Variants in NEK6 observed in about 807,000 individuals in gnomAD.
The protein encoded by NEK6 is serine/threonine-protein kinase Nek6.
A neutral mutation model predicts 43.5 loss-of-function variants in NEK6; 27 were observed. The observed-to-expected ratio is 0.62, with a 90% CI of 0.46 to 0.86. The LOEUF (loss-of-function observed/expected upper bound fraction) is 0.86, where lower values mean the gene tolerates loss of function less well. Among genes scored for constraint, NEK6 ranks in the 40% least tolerant of loss-of-function variants. NEK6 has a pLI of 0.00. For missense variants in NEK6, 318 were observed against 414.4 expected, an observed-to-expected ratio of 0.77 and a Z score of 2.02; for synonymous variants, 167 against 164.1, an observed-to-expected ratio of 1.02 and a Z score of -0.14.
chr9:124,330,488 C>T (rs1293320611), intron 7 of NEK6, among the ~76,000 whole-genome samples: 1 of 152,088 alleles, frequency 6.6e-6, no homozygotes, highest in South Asian at 2.1e-4. Flanking sequence ...CAGGCAGCCA[C>T]GGGTGACAGG....
At chr9:124,316,761 G>A (rs1046241807) in intron 4 of NEK6, among the ~76,000 whole-genome samples, 1 of 152,200 alleles carries the variant, frequency 6.6e-6, no homozygotes, top group Non-Finnish European at 1.5e-5. Context: ...AGACTGCCTG[G>A]GCATTTAAGG....
At chr9:124,289,991 A>C (rs1033407573) in intron 1 of NEK6, among the ~76,000 whole-genome samples, 7 of 152,228 alleles carry the variant, frequency 4.6e-5, no homozygotes, top group African/African-American at 1.7e-4. Context: ...TCCTAAGCCC[A>C]ACTCCAGGGT....
At chr9:124,292,471 A>G in intron 1 of NEK6, 1 of 1,537,060 alleles carries the variant, frequency 6.5e-7, no homozygotes, top group South Asian at 1.2e-5. Context: ...AGGGGAGGCC[A>G]CGGGCTTGAA....
intron 6 of NEK6, among the ~76,000 whole-genome samples, chr9:124,327,043 C>G (rs546717944): frequency 1.3e-5 from 2 of 152,306 alleles, no homozygotes; most frequent in South Asian, 2.1e-4. Flanking sequence ...AGGCACTGTT[C>G]TAGGCATGGA....
intron 4 of NEK6, among the ~76,000 whole-genome samples, chr9:124,320,691 A>G (rs747768850): frequency 6.6e-6 from 1 of 152,210 alleles, no homozygotes; most frequent in Non-Finnish European, 1.5e-5. Context: ...GTCCAGCTCC[A>G]TGCTCCACTG....
chr9:124,295,740 T>C (rs1832656105), intron 1 of NEK6, among the ~76,000 whole-genome samples: 1 of 152,214 alleles, frequency 6.6e-6, no homozygotes, highest in Non-Finnish European at 1.5e-5. Flanking sequence ...CGGGGGCTGT[T>C]ATTCTGGTGC....
chr9:124,292,323 T>C, intron 1 of NEK6: 1 of 1,433,540 alleles, frequency 7.0e-7, no homozygotes, highest in Non-Finnish European at 9.2e-7. Context: ...CAGGGGTGGC[T>C]GCTGATGGCT....
At chr9:124,310,152 C>T (rs1328732460) in intron 2 of NEK6, among the ~76,000 whole-genome samples, 1 of 152,216 alleles carries the variant, frequency 6.6e-6, no homozygotes, top group East Asian at 1.9e-4. Flanking sequence ...GGGGTCACAC[C>T]CCAGCTCTGC....
intron 5 of NEK6, among the ~76,000 whole-genome samples, chr9:124,325,961 C>G (rs1451647611): frequency 6.6e-6 from 1 of 152,190 alleles, no homozygotes; most frequent in Non-Finnish European, 1.5e-5. Flanking sequence ...TTCAGTCTTG[C>G]AAGGAGTGCC....
rs112217434 is a variant in NEK6, at chr9:124,353,033, C to A, written c.*2086C>A. 501 of 153,090 alleles carry A rather than the reference C, an allele frequency of 3.3e-3. 2 individuals carry two copies. Among genetic ancestry groups the A allele is most frequent in the African/African-American group, 0.012 (485 of 41,578 alleles). The allele number at this position is 153,090 out of a possible 1,614,324, so 9.5% of individuals were successfully genotyped here. ...AACATTCCTTTTATTTCTGTGAAAC[C>A]GGCCAAAGTGAGGTCCACCCACCTT... On this transcript the variant is annotated 3_prime_UTR_variant, in exon 10 of 10. Coordinates refer to ENST00000320246, the MANE Select transcript of NEK6 (RefSeq NM_014397.6).
chr9:124,264,342 A>T (rs1324095532), intron 1 of NEK6, among the ~76,000 whole-genome samples: 1 of 152,188 alleles, frequency 6.6e-6, no homozygotes. Context: ...CACCTCATGC[A>T]AGGAGGGCTT....
At chr9:124,333,872 G>A (rs1185286554) in intron 7 of NEK6, among the ~76,000 whole-genome samples, 2 of 151,044 alleles carry the variant, frequency 1.3e-5, no homozygotes, top group Non-Finnish European at 2.9e-5. Context: ...TCACCTCCCG[G>A]GTTCAAGAGA....
chr9:124,271,646 TG>T (rs1831441841), intron 1 of NEK6, among the ~76,000 whole-genome samples: 1 of 152,252 alleles, frequency 6.6e-6, no homozygotes, highest in African/African-American at 2.4e-5. Context: ...CAGGCCCGGC[TG>T]GCCCCAGAGT....
At chr9:124,342,397 C>T (rs1466741998) in intron 8 of NEK6, among the ~76,000 whole-genome samples, 2 of 152,254 alleles carry the variant, frequency 1.3e-5, no homozygotes, top group Non-Finnish European at 2.9e-5. Context: ...CAAATCCCAG[C>T]TCCAGGGCCC....
chr9:124,305,257 T>G (rs1833190863), intron 2 of NEK6, among the ~76,000 whole-genome samples: 1 of 152,214 alleles, frequency 6.6e-6, no homozygotes. Context: ...CAATGGCTAT[T>G]AAAATTCAGT....
At chr9:124,264,527 A>G (rs1831150678) in intron 1 of NEK6, among the ~76,000 whole-genome samples, 1 of 152,138 alleles carries the variant, frequency 6.6e-6, no homozygotes, top group African/African-American at 2.4e-5. Context: ...AATCACAAAG[A>G]CCAGGACAGG....
Position 124,275,206 on chromosome 9 carries a change from G to GA in NEK6, c.-30+17123dup, listed in dbSNP as rs778135123. Reference sequence around the variant, plus strand: ...GAGCCAACAGTTGGAATCCTACAGTGAATGTTTTTAAAAACGTAATTTTAA... The same window carrying GA: ...GAGCCAACAGTTGGAATCCTACAGTGAAATGTTTTTAAAAACGTAATTTTAA... On this transcript the variant is annotated intron_variant, in intron 1 of 9. Coordinates refer to ENST00000320246, the MANE Select transcript of NEK6 (RefSeq NM_014397.6). The surrounding 1 kb of genome is among the most constrained non-coding windows in gnomAD (Gnocchi z 4.4). Among the ~76,000 whole-genome samples the GA allele has an allele frequency of 3.3e-5, 5 of 152,228 alleles. No homozygotes were observed. The highest frequency in any genetic ancestry group is 7.3e-5 in the Non-Finnish European group (5 of 68,038).
chr9:124,295,721 C>T lies in NEK6; in HGVS notation c.-29-6215C>T, dbSNP rs117745707. Among the ~76,000 whole-genome samples, 864 of 152,328 alleles carry T rather than the reference C, an allele frequency of 5.7e-3. 2 individuals carry two copies. The highest frequency in any genetic ancestry group is 7.5e-3 in the Non-Finnish European group (510 of 68,024). On this transcript the variant is annotated intron_variant, in intron 1 of 9. Transcript: ENST00000320246. ...CTGCCTGGCGCATGTGTGGTGCATG[C>T]TCTGTTGGCGGGGGCTGTTATTCTG...
chr9:124,318,378 G>T (rs969251600), intron 4 of NEK6, among the ~76,000 whole-genome samples: 10 of 152,026 alleles, frequency 6.6e-5, no homozygotes, highest in African/African-American at 2.4e-4. Flanking sequence ...AGTAGCTTGG[G>T]CTACAGGCCT....
Sources: allele counts gnomAD v4.1 joint callset (sites outside exome capture counted in the v4.1 genomes callset), GRCh38; gene constraint gnomAD v4.1.1; non-coding constraint Gnocchi (gnomAD v3.1); transcripts MANE v1.5; gene names NCBI Gene and HGNC (gene_info 2026-07-23, HGNC 2026-07-21).